NDST4: variants seen among roughly 807,000 people sequenced by gnomAD.
The protein encoded by NDST4 is N-heparan sulfate sulfotransferase 4.
In NDST4, 63 loss-of-function variants were observed where a neutral mutation model predicts 100.8. The observed-to-expected ratio is 0.62, with a 90% CI of 0.51 to 0.77. The LOEUF (loss-of-function observed/expected upper bound fraction) is 0.77. Ranked by LOEUF, NDST4 falls within the 30% of genes least tolerant of loss-of-function variation. The pLI, the probability that NDST4 is intolerant of heterozygous loss-of-function variation, is 0.00. For missense variants in NDST4, 943 were observed against 1,018.4 expected (o/e 0.93, Z 1.01); for synonymous variants, 377 against 361.8 (o/e 1.04, Z -0.48).
intron 6 of NDST4, among the ~76,000 whole-genome samples, chr4:114,881,099 T>C (rs559634129): frequency 1.6e-4 from 24 of 152,044 alleles, no homozygotes; most frequent in Non-Finnish European, 2.8e-4. Flanking sequence ...CTAAGAGCCA[T>C]AAGGAACCAT....
intron 2 of NDST4, among the ~76,000 whole-genome samples, chr4:115,046,792 T>C (rs1313815749): frequency 6.6e-6 from 1 of 152,210 alleles, no homozygotes; most frequent in Non-Finnish European, 1.5e-5. Flanking sequence ...TGTTTATTAG[T>C]ATATCTTCTA....
chr4:114,896,307 G>A (rs1724710951), intron 6 of NDST4, among the ~76,000 whole-genome samples: 1 of 151,694 alleles, frequency 6.6e-6, no homozygotes, highest in African/African-American at 2.4e-5. Flanking sequence ...TGAGGGTGAA[G>A]GTATCATCAC....
chr4:115,078,632 A>G (rs1175738135), intron 1 of NDST4, among the ~76,000 whole-genome samples: 1 of 152,130 alleles, frequency 6.6e-6, no homozygotes, highest in East Asian at 1.9e-4. Context: ...CGAGGTCAGG[A>G]GTTCAAGATC....
intron 2 of NDST4, among the ~76,000 whole-genome samples, chr4:114,983,052 C>T (rs1019095245): frequency 1.3e-5 from 2 of 152,124 alleles, no homozygotes; most frequent in Non-Finnish European, 2.9e-5. Flanking sequence ...GAACCTTCAC[C>T]TGGATTTCAG....
In NDST4 at chr4:114,924,906, T is replaced by G. The variant is rs552407642; in HGVS notation, c.1536+10300A>C. 6.6e-5 allele frequency among the ~76,000 whole-genome samples: 10 copies of G among 152,280 alleles called. No individual in the cohort carries two copies. The East Asian group carries it at 1.7e-3, about 26-fold the overall frequency. ...TAATGGATATCCCAATTACATTGAC[T>G]TAATCTTTCCAAATTATACAGAATG... On this transcript the variant is annotated intron_variant, in intron 6 of 13. Transcript: ENST00000264363.
intron 1 of NDST4, among the ~76,000 whole-genome samples, chr4:115,093,216 C>T (rs1380907727): frequency 6.6e-6 from 1 of 152,098 alleles, no homozygotes; most frequent in African/African-American, 2.4e-5. Flanking sequence ...TGGCTCATGC[C>T]TGTAATCTCA....
rs968881268 is a variant in NDST4, at chr4:115,076,949, C to T, written c.88G>A (p.Ala30Thr). 4 of 1,613,338 alleles carry T rather than the reference C, an allele frequency of 2.5e-6. No individual in the cohort carries two copies. The African/African-American group carries it at 5.3e-5, about 22-fold the overall frequency. ...TTGTAGCCAGAGTAGAGAAAATAGG[C>T]AGAAATGACAATGCTCACCAAGCAA... is the stretch of plus-strand genomic sequence containing the variant. ...TFCLVSIVIS[A>T]YFLYSGYKQE... The change falls in exon 2 of 14, where the codon GCC (alanine) becomes ACC (threonine). Residue 30 changes from alanine to threonine, a missense_variant. Around this residue, in one of 2 missense-constraint regions of NDST4, gnomAD observed 417 missense variants for 384.2 expected, o/e 1.09. Coordinates refer to ENST00000264363, the MANE Select transcript of NDST4 (RefSeq NM_022569.3).
At chr4:114,906,545 C>T (rs1724952532) in intron 6 of NDST4, among the ~76,000 whole-genome samples, 1 of 151,858 alleles carries the variant, frequency 6.6e-6, no homozygotes. Flanking sequence ...CGCAGGCCTA[C>T]CACCAACTCA....
chr4:115,018,603 G>A (rs1157635857), intron 2 of NDST4, among the ~76,000 whole-genome samples: 3 of 151,870 alleles, frequency 2.0e-5, no homozygotes, highest in Non-Finnish European at 4.4e-5. Context: ...TTGCAGGATA[G>A]ACTGTAGATC....
chr4:115,059,645 C>A (rs1364262911), intron 2 of NDST4, among the ~76,000 whole-genome samples: 1 of 151,960 alleles, frequency 6.6e-6, no homozygotes, highest in Non-Finnish European at 1.5e-5. Context: ...ATCTTTTAAC[C>A]CGCTTTTTCT....
chr4:114,843,624 C>A (rs1723478892), intron 10 of NDST4, among the ~76,000 whole-genome samples: 1 of 152,152 alleles, frequency 6.6e-6, no homozygotes, highest in Non-Finnish European at 1.5e-5. Context: ...CCCTCCACAT[C>A]TTTCGCTTTG....
intron 2 of NDST4, among the ~76,000 whole-genome samples, chr4:115,033,512 T>C (rs1285617548): frequency 6.6e-6 from 1 of 152,080 alleles, no homozygotes; most frequent in Non-Finnish European, 1.5e-5. Context: ...ACATTTTTTA[T>C]TTTAATATTT....
chr4:115,024,990 C>T (rs1727950460), intron 2 of NDST4, among the ~76,000 whole-genome samples: 1 of 152,148 alleles, frequency 6.6e-6, no homozygotes, highest in Non-Finnish European at 1.5e-5. Flanking sequence ...TTCACTTGCT[C>T]TTCTGCCTTC....
intron 6 of NDST4, among the ~76,000 whole-genome samples, chr4:114,902,918 A>G (rs763805274): frequency 2.6e-5 from 4 of 151,770 alleles, no homozygotes; most frequent in Non-Finnish European, 4.4e-5. Flanking sequence ...TTTCTTTTTG[A>G]TTTTTCTTAG....
At chr4:115,060,854 A>T (rs1207462608) in intron 2 of NDST4, among the ~76,000 whole-genome samples, 1 of 152,046 alleles carries the variant, frequency 6.6e-6, no homozygotes, top group Non-Finnish European at 1.5e-5. Flanking sequence ...TACACAAATG[A>T]CATTACAGAA....
chr4:114,904,749 T>A (rs1560805177), intron 6 of NDST4, among the ~76,000 whole-genome samples: 1 of 151,898 alleles, frequency 6.6e-6, no homozygotes, highest in Non-Finnish European at 1.5e-5. Flanking sequence ...AGCAATAATA[T>A]TAAATATACA....
intron 6 of NDST4, among the ~76,000 whole-genome samples, chr4:114,917,245 CA>C (rs1725193744): frequency 6.6e-6 from 1 of 152,072 alleles, no homozygotes; most frequent in Admixed American, 6.6e-5. Flanking sequence ...ACATATTCAG[CA>C]CATATGCTTT....
At position 114,897,298 on chromosome 4, in the gene NDST4, C is replaced by T. The variant is rs558229906; in HGVS notation, c.1537-26348G>A. On this transcript the variant is annotated intron_variant, in intron 6 of 13. Coordinates refer to ENST00000264363, the MANE Select transcript of NDST4 (RefSeq NM_022569.3). ...CTTTTTGCTGTCTCTATAGTTTTAA[C>T]CTTTTCCAGAATGTCATATAGTTGA... is the stretch of plus-strand genomic sequence containing the variant. Among the ~76,000 whole-genome samples, 207 of 152,242 alleles carry T rather than the reference C, an allele frequency of 1.4e-3. 2 individuals carry two copies. Among genetic ancestry groups the T allele is most frequent in the Non-Finnish European group, 1.6e-3 (111 of 68,002 alleles).
At chr4:114,845,719 T>C in intron 10 of NDST4, 104 bp downstream of exon 10, 1 of 1,038,524 alleles carries the variant, frequency 9.6e-7, no homozygotes, top group Non-Finnish European at 1.4e-6. Context: ...TAGATATTCT[T>C]ACATTTGACT....
Sources: gnomAD v4.1 joint callset for allele counts (sites outside exome capture counted in the v4.1 genomes callset) on GRCh38, gnomAD v4.1.1 for gene constraint, gnomAD v4.1.1 regional missense constraint, MANE v1.5 for transcripts, NCBI Gene and HGNC (gene_info 2026-07-23, HGNC 2026-07-21) for gene names.